MUSK: variants seen among roughly 807,000 people sequenced by gnomAD.
MUSK encodes the protein muscle, skeletal receptor tyrosine-protein kinase.
Under a neutral mutation model 88.7 loss-of-function variants are expected in MUSK, and 55 were observed. The ratio of observed to expected loss-of-function variants is 0.62; its 90% confidence interval spans 0.50 to 0.78. The LOEUF (loss-of-function observed/expected upper bound fraction) is 0.78. MUSK is among the 30% of genes least tolerant of loss of function. The pLI is 0.00. For missense variants in MUSK, 1,015 were observed against 1,074.3 expected (o/e 0.94, Z 0.77); for synonymous variants, 387 against 391.9 (o/e 0.99, Z 0.15).
chr9:110,691,541 G>C (rs971884491), intron 3 of MUSK, among the ~76,000 whole-genome samples: 1 of 151,930 alleles, frequency 6.6e-6, no homozygotes, highest in African/African-American at 2.4e-5. Context: ...CTTCTACCTG[G>C]TGATGTATCA....
chr9:110,690,520 T>A (rs868770709), intron 3 of MUSK, among the ~76,000 whole-genome samples: 17 of 35,014 alleles, frequency 4.9e-4, no homozygotes, highest in African/African-American at 6.3e-4. Context: ...AAATATATAT[T>A]TAAATATAAG....
At chr9:110,685,074 A>G (rs184900573) in intron 2 of MUSK, among the ~76,000 whole-genome samples, 5 of 152,188 alleles carry the variant, frequency 3.3e-5, no homozygotes, top group African/African-American at 1.2e-4. Context: ...GTTTTTCCCC[A>G]TTCAGTATGA....
chr9:110,752,170 G>A (rs1263866106), intron 7 of MUSK, among the ~76,000 whole-genome samples: 1 of 152,158 alleles, frequency 6.6e-6, no homozygotes, highest in Non-Finnish European at 1.5e-5. Context: ...ACTCCCATGA[G>A]ACAACTTCCA....
chr9:110,693,594 T>C (rs1335811186), intron 3 of MUSK, among the ~76,000 whole-genome samples: 1 of 152,210 alleles, frequency 6.6e-6, no homozygotes, highest in Non-Finnish European at 1.5e-5. Flanking sequence ...TCATGTTCCC[T>C]TACAGTGGGG....
chr9:110,710,728 G>A (rs1166439609), intron 5 of MUSK, among the ~76,000 whole-genome samples: 4 of 151,308 alleles, frequency 2.6e-5, no homozygotes, highest in Non-Finnish European at 5.9e-5. Context: ...GAGTCAACCT[G>A]TTAAAAAAAA....
chr9:110,689,389 A>G (rs1159219088), intron 3 of MUSK, among the ~76,000 whole-genome samples: 2 of 117,398 alleles, frequency 1.7e-5, no homozygotes, highest in African/African-American at 7.1e-5. Flanking sequence ...TAAAAAATAT[A>G]AAAATATGTG....
intron 11 of MUSK, among the ~76,000 whole-genome samples, chr9:110,780,342 C>T (rs2077731166): frequency 6.6e-6 from 1 of 152,188 alleles, no homozygotes; most frequent in South Asian, 2.1e-4. Flanking sequence ...AGGAGATCCT[C>T]AGACTGCTTG....
intron 14 of MUSK, among the ~76,000 whole-genome samples, chr9:110,790,704 G>A (rs954292681): frequency 4.6e-5 from 7 of 151,980 alleles, no homozygotes; most frequent in African/African-American, 1.7e-4. Context: ...GAAGATTTGA[G>A]GAAAGAGAAG....
chr9:110,769,328 AG>A (rs1239266790), intron 9 of MUSK, among the ~76,000 whole-genome samples: 1 of 152,176 alleles, frequency 6.6e-6, no homozygotes, highest in African/African-American at 2.4e-5. Context: ...TTTACTGCAA[AG>A]TTTGAGGGTT....
At chr9:110,686,833 T>A (rs2076202384) in intron 2 of MUSK, among the ~76,000 whole-genome samples, 2 of 152,176 alleles carry the variant, frequency 1.3e-5, no homozygotes, top group African/African-American at 4.8e-5. Context: ...TATATGCTTT[T>A]CTGAATAAAG....
intron 1 of MUSK, among the ~76,000 whole-genome samples, chr9:110,679,448 T>C (rs1386454551): frequency 6.6e-6 from 1 of 152,084 alleles, no homozygotes; most frequent in Non-Finnish European, 1.5e-5. Flanking sequence ...CCTTTATTTT[T>C]AACATTTCTG....
intron 7 of MUSK, among the ~76,000 whole-genome samples, chr9:110,755,198 T>G (rs1266375517): frequency 6.6e-6 from 1 of 152,182 alleles, no homozygotes. Flanking sequence ...ATAAAGAAAT[T>G]TCACAAAGAA....
chr9:110,798,354 C>G (rs1449557657), intron 14 of MUSK, among the ~76,000 whole-genome samples: 1 of 152,044 alleles, frequency 6.6e-6, no homozygotes, highest in Non-Finnish European at 1.5e-5. Flanking sequence ...GTTTTGTAGT[C>G]ATAAATTGGG....
In MUSK at chr9:110,690,113, ATATATAT is replaced by A. The variant is rs1177838814; in HGVS notation, c.358+2852_358+2858del. Among the ~76,000 whole-genome samples the A allele has an allele frequency of 1.8e-3, 98 of 55,316 alleles. 1 individual carries two copies. Among genetic ancestry groups the A allele is most frequent in the Non-Finnish European group, 5.3e-4 (17 of 31,812 alleles). 36.3% of individuals were successfully genotyped at this position (55,316 alleles called of 152,430 possible). ...ATATTATATAAGTATAAATATAGAAATATATATTATATAAGTATAAATATAGAAATAT... is the reference window on the plus strand; with the variant it reads ...ATATTATATAAGTATAAATATAGAAATATATAAGTATAAATATAGAAATAT... On this transcript the variant is annotated intron_variant, in intron 3 of 14. Transcript: ENST00000374448.
At chr9:110,736,531 G>A (rs1033629582) in intron 6 of MUSK, among the ~76,000 whole-genome samples, 1 of 152,218 alleles carries the variant, frequency 6.6e-6, no homozygotes, top group African/African-American at 2.4e-5. Flanking sequence ...AGTAAGCAAA[G>A]GGTCAAGAGA....
Position 110,805,587 on chromosome 9 carries a change from T to C in MUSK, c.*4599T>C, listed in dbSNP as rs2078150631. On this transcript the variant is annotated 3_prime_UTR_variant, in exon 15 of 15. Transcript: ENST00000374448. Reference sequence around the variant, plus strand: ...TTTGTGATATATGTTTCAACTACTTTTATCATGTTAAAAATATAGACTTCT... The same window carrying C: ...TTTGTGATATATGTTTCAACTACTTCTATCATGTTAAAAATATAGACTTCT... Among the ~76,000 whole-genome samples, 4 of 152,104 alleles carry C rather than the reference T, an allele frequency of 2.6e-5. No individual in the cohort carries two copies. In the South Asian group the frequency reaches 8.3e-4, roughly 32 times the overall value.
chr9:110,671,117 G>T (rs2075951485), intron 1 of MUSK, among the ~76,000 whole-genome samples: 1 of 152,036 alleles, frequency 6.6e-6, no homozygotes, highest in African/African-American at 2.4e-5. Context: ...GACTACAGGT[G>T]CAAGCCACCA....
At chr9:110,728,695 T>C in intron 5 of MUSK, 1 of 1,586,308 alleles carries the variant, frequency 6.3e-7, no homozygotes, top group Middle Eastern at 1.7e-4. Flanking sequence ...CAGAAGAAAG[T>C]GAACCCGAAC....
intron 6 of MUSK, 72 bp downstream of exon 6, chr9:110,734,447 G>T (rs1203033237): frequency 1.3e-6 from 2 of 1,591,306 alleles, no homozygotes; most frequent in East Asian, 2.2e-5. Context: ...AGACCATATA[G>T]TTGTAGTTAC....
Sources: gnomAD v4.1 joint callset for allele counts (sites outside exome capture counted in the v4.1 genomes callset) on GRCh38, gnomAD v4.1.1 for gene constraint, MANE v1.5 for transcripts, NCBI Gene and HGNC (gene_info 2026-07-23, HGNC 2026-07-21) for gene names.